Variants in PWWP2A observed in about 807,000 individuals in gnomAD.
The protein encoded by PWWP2A is PWWP domain-containing protein 2A.
PWWP2A carries 18 observed loss-of-function variants against 48.5 expected under a neutral mutation model. The ratio of observed to expected loss-of-function variants is 0.37; its 90% confidence interval spans 0.26 to 0.55. PWWP2A has a LOEUF of 0.55. PWWP2A is among the 20% of genes least tolerant of loss of function. The pLI is 0.81. For synonymous variants in PWWP2A, 396 were observed against 387.7 expected, an observed-to-expected ratio of 1.02 and a Z score of -0.25; for missense variants, 867 against 976.4, an observed-to-expected ratio of 0.89 and a Z score of 1.49.
rs535110852 is a variant in PWWP2A at position 160,115,137 on chromosome 5, C to CAAAAAA, written c.584+3662_584+3667dup. Among the ~76,000 whole-genome samples the CAAAAAA allele has an allele frequency of 2.3e-3, 206 of 88,398 alleles. 12 individuals carry two copies. Among genetic ancestry groups the CAAAAAA allele is most frequent in the African/African-American group, 9.3e-3 (164 of 17,546 alleles). The allele number at this position is 88,398 out of a possible 152,430, so 58.0% of individuals were successfully genotyped here. On this transcript the variant is annotated intron_variant, in intron 1 of 1. Coordinates refer to ENST00000307063, the MANE Select transcript of PWWP2A (RefSeq NM_001130864.2). ...CCTGGGTAACAGAGGGAGACTCTGT[C>CAAAAAA]AAAAAAAAAAAAAAAAAAAAAAAAA...
chr5:160,056,416 A>T, the PWWP2A span, among the ~76,000 whole-genome samples: 4 of 152,344 alleles, frequency 2.6e-5, no homozygotes, highest in Non-Finnish European at 4.4e-5. Context: ...TAAGAATACC[A>T]TCTGGAGCTT....
chr5:160,048,291 A>G, the PWWP2A span, among the ~76,000 whole-genome samples: 5 of 151,924 alleles, frequency 3.3e-5, no homozygotes, highest in South Asian at 2.1e-4. Context: ...AGCTGGGATT[A>G]TAGACCCACA....
intron 1 of PWWP2A, among the ~76,000 whole-genome samples, chr5:160,114,952 T>C (rs1757961709): frequency 6.6e-6 from 1 of 151,554 alleles, no homozygotes; most frequent in Non-Finnish European, 1.5e-5. Context: ...CTGGCCAATA[T>C]GGTGAAACCC....
chr5:160,069,120 C>T (rs1753682960), intron 2 of PWWP2A, among the ~76,000 whole-genome samples: 1 of 151,912 alleles, frequency 6.6e-6, no homozygotes, highest in Non-Finnish European at 1.5e-5. Context: ...TGGTGAAACC[C>T]CGTCTCTACA....
intron 1 of PWWP2A, among the ~76,000 whole-genome samples, chr5:160,109,775 ATATAT>A (rs1409468426): frequency 0.013 from 363 of 27,816 alleles, 1 homozygote; most frequent in Non-Finnish European, 0.021. Context: ...AAAAAAAAAA[ATATAT>A]ATATATATAT....
chr5:160,048,548 G>A, the PWWP2A span, among the ~76,000 whole-genome samples: 1,936 of 152,278 alleles, frequency 0.013, 47 homozygotes, highest in African/African-American at 0.044. Context: ...TTATTAGAAG[G>A]GCAGCTGATG....
chr5:160,070,015 G>A (rs1753704579), intron 2 of PWWP2A, among the ~76,000 whole-genome samples: 1 of 152,064 alleles, frequency 6.6e-6, no homozygotes, highest in African/African-American at 2.4e-5. Flanking sequence ...CATTGGTTGG[G>A]GCCTCTGCAG....
At chr5:160,079,095 TG>T (rs2113462052) in intron 3 of PWWP2A, among the ~76,000 whole-genome samples, 1 of 152,252 alleles carries the variant, frequency 6.6e-6, no homozygotes, top group South Asian at 2.1e-4. Context: ...GAAAGAAAGA[TG>T]AATTTTTGGT....
intron 1 of PWWP2A, among the ~76,000 whole-genome samples, chr5:160,114,205 T>C (rs1561706333): frequency 6.6e-6 from 1 of 152,154 alleles, no homozygotes; most frequent in East Asian, 1.9e-4. Context: ...TCCCAACACT[T>C]TGGGAGTGTA....
downstream of PWWP2A, among the ~76,000 whole-genome samples, chr5:160,061,485 G>A (rs1038316747): frequency 6.6e-6 from 1 of 152,188 alleles, no homozygotes; most frequent in Non-Finnish European, 1.5e-5. Context: ...ACCACACATA[G>A]CAAGGTGCCA....
In PWWP2A at chr5:160,093,111, G is replaced by GGTAGAGGTGCAGCGA; in HGVS notation, c.1524_1538dup (p.Cys510_Arg514dup). The GGTAGAGGTGCAGCGA allele has an allele frequency of 6.2e-7, 1 of 1,613,900 alleles. No individual in the cohort carries two copies. Among genetic ancestry groups the GGTAGAGGTGCAGCGA allele is most frequent in the African/African-American group, 1.3e-5 (1 of 75,016 alleles). ...CTGAAGGGGCCTCACCTGCTGAGCG[G>GGTAGAGGTGCAGCGA]GTAGAGGTGCAGCGAGACTGGGGCT... On this transcript the variant is annotated inframe_insertion, in exon 2 of 2. Coordinates refer to ENST00000307063, the MANE Select transcript of PWWP2A (RefSeq NM_001130864.2). The surrounding 1 kb of genome is among the most constrained non-coding windows in gnomAD (Gnocchi z 5.8).
chr5:160,109,780 T>TAATA (rs1757311941), intron 1 of PWWP2A, among the ~76,000 whole-genome samples: 2 of 60,640 alleles, frequency 3.3e-5, no homozygotes, highest in African/African-American at 5.0e-5. Flanking sequence ...AAAAAATATA[T>TAATA]ATATATATAT....
intron 2 of PWWP2A, among the ~76,000 whole-genome samples, chr5:160,070,079 G>A (rs141382064): frequency 1.7e-4 from 26 of 152,304 alleles, no homozygotes; most frequent in African/African-American, 6.3e-4. Flanking sequence ...TCATATGGTG[G>A]TCTTTCTGTG....
At chr5:160,058,410 T>C (rs1172155474), downstream of PWWP2A, among the ~76,000 whole-genome samples, 2 of 106,220 alleles carry the variant, frequency 1.9e-5, no homozygotes, top group South Asian at 2.7e-4. Flanking sequence ...AGTGTATTTC[T>C]TTTTTTTTTT....
In PWWP2A at chr5:160,065,041, T is replaced by C. The variant is rs758934437; in HGVS notation, c.*237-1368A>G. The C allele has an allele frequency of 1.9e-6, 3 of 1,612,050 alleles. No individual in the cohort carries two copies. In the East Asian group the frequency reaches 6.7e-5, roughly 36 times the overall value. On this transcript the variant is annotated intron_variant and NMD_transcript_variant, in intron 4 of 5. Transcript: ENST00000524050. ...CCGGCTCGTACTCCATCAATTTCGTTCAAAATCCAAATAATAACAGATAAC... is the reference window on the plus strand; with the variant it reads ...CCGGCTCGTACTCCATCAATTTCGTCCAAAATCCAAATAATAACAGATAAC...
rs370691195 is a variant in PWWP2A, at chr5:160,065,834, T to C, written c.*236+714A>G. 4.3e-4 allele frequency among the ~76,000 whole-genome samples: 66 copies of C among 152,352 alleles called. No homozygotes were observed. The South Asian group carries it at 0.013, about 31-fold the overall frequency. On this transcript the variant is annotated intron_variant and NMD_transcript_variant, in intron 4 of 5. Coordinates refer to the PWWP2A transcript ENST00000524050. ...ATATTTTTAACTTAAAATAGCTTCA[T>C]TGAGGAATGGTAGTATATGAACCCC... is the stretch of plus-strand genomic sequence containing the variant.
chr5:160,090,693 CATT>C (rs1446252739), downstream of PWWP2A: 1 of 899,650 alleles, frequency 1.1e-6, no homozygotes, highest in South Asian at 5.4e-5. Flanking sequence ...TTAATCTTTT[CATT>C]ATGAGTTCCA....
the PWWP2A span, chr5:160,051,080 T>TG: frequency 7.2e-7 from 1 of 1,380,296 alleles, no homozygotes; most frequent in Non-Finnish European, 9.7e-7. Context: ...GGAAAGGTTT[T>TG]GGTTTTTTTT....
At chr5:160,088,509 C>CT (rs1754820893), downstream of PWWP2A, among the ~76,000 whole-genome samples, 2 of 152,186 alleles carry the variant, frequency 1.3e-5, no homozygotes, top group Non-Finnish European at 2.9e-5. Context: ...CTCAGCCTCC[C>CT]TAAGTGCTGG....
Sources: gnomAD v4.1 joint callset for allele counts (sites outside exome capture counted in the v4.1 genomes callset) on GRCh38, gnomAD v4.1.1 for gene constraint, Gnocchi (gnomAD v3.1) non-coding constraint, MANE v1.5 for transcripts, NCBI Gene and HGNC (gene_info 2026-07-23, HGNC 2026-07-21) for gene names.